Variants in RUNX1 observed in about 807,000 individuals in gnomAD.
RUNX1 encodes runt-related transcription factor 1.
A neutral mutation model predicts 42.8 loss-of-function variants in RUNX1; 19 were observed. The ratio of observed to expected loss-of-function variants is 0.44; its 90% CI spans 0.31 to 0.65. RUNX1 has a LOEUF of 0.65. RUNX1 is among the 30% of genes least tolerant of loss of function. The probability of loss-of-function intolerance (pLI) is 0.07; values close to 1 mark genes in which losing one functional copy is unlikely to be tolerated. For missense variants in RUNX1, 528 were observed against 672.0 expected (o/e 0.79, Z 2.37); for synonymous variants, 271 against 289.4 (o/e 0.94, Z 0.64).
At chr21:34,927,295 G>A (rs1308304019) in intron 2 of RUNX1, among the ~76,000 whole-genome samples, 1 of 152,220 alleles carries the variant, frequency 6.6e-6, no homozygotes, top group Non-Finnish European at 1.5e-5. Context: ...CACACTCCAC[G>A]TAACACAGAA....
At chr21:34,888,658 G>A in intron 3 of RUNX1, 1 of 1,049,276 alleles carries the variant, frequency 9.5e-7, no homozygotes. Context: ...CGGCCGCGGG[G>A]CGCCCGTCCC....
At chr21:34,948,132 C>T (rs1318988509) in intron 2 of RUNX1, among the ~76,000 whole-genome samples, 1 of 150,628 alleles carries the variant, frequency 6.6e-6, no homozygotes, top group Non-Finnish European at 1.5e-5. Context: ...AATGAAGGCT[C>T]ATATTTCAGC....
intron 7 of RUNX1, chr21:34,833,381 C>G (rs147810414): frequency 0.012 from 1,804 of 152,332 alleles, 16 homozygotes; most frequent in Middle Eastern, 0.041. Flanking sequence ...TGGGATTACA[C>G]GTGTGAGCCA....
Position 34,920,430 on chromosome 21 carries a change from A to G in RUNX1, c.59-27467T>C, listed in dbSNP as rs555363281. Among the ~76,000 whole-genome samples, 5 of 152,330 alleles carry G rather than the reference A, an allele frequency of 3.3e-5. No homozygotes were observed. In the East Asian group the frequency reaches 9.6e-4, roughly 29 times the overall value. On this transcript the variant is annotated intron_variant, in intron 2 of 8. Transcript: ENST00000675419. ...TACTGGGGGCAGCTTCCAACTGGAA[A>G]CACACCATGAAATTTACCAGTTTCA...
chr21:34,811,168 C>T (rs183709222), intron 7 of RUNX1, among the ~76,000 whole-genome samples: 21 of 152,302 alleles, frequency 1.4e-4, no homozygotes, highest in African/African-American at 2.6e-4. Context: ...GAATGGCAAC[C>T]GTTCTTTCTT....
chr21:34,798,147 C>T, intron 8 of RUNX1: 1 of 456,624 alleles, frequency 2.2e-6, no homozygotes, highest in Non-Finnish European at 4.4e-6. Flanking sequence ...CTCCACTGCC[C>T]CTGTGCCTGC....
At chr21:34,808,767 C>G (rs1237074002) in intron 7 of RUNX1, among the ~76,000 whole-genome samples, 1 of 152,168 alleles carries the variant, frequency 6.6e-6, no homozygotes, top group African/African-American at 2.4e-5. Flanking sequence ...CTACCCTCAG[C>G]CAGATGAGTC....
chr21:35,047,331 CTG>C (rs954588587), intron 2 of RUNX1, among the ~76,000 whole-genome samples: 37 of 152,162 alleles, frequency 2.4e-4, no homozygotes, highest in African/African-American at 5.8e-4. Context: ...GCCGGTGTCT[CTG>C]TGTTACCAAC....
chr21:34,930,270 G>GTATATATATATA (rs1555906427), intron 2 of RUNX1, among the ~76,000 whole-genome samples: 119 of 123,004 alleles, frequency 9.7e-4, no homozygotes, highest in East Asian at 4.3e-3. Flanking sequence ...GTGTGTGTAT[G>GTATATATATATA]TATATATATA....
chr21:34,800,902 T>C (rs1316060706), intron 7 of RUNX1, among the ~76,000 whole-genome samples: 2 of 152,154 alleles, frequency 1.3e-5, no homozygotes, highest in Non-Finnish European at 2.9e-5. Context: ...AAGGTCTTCA[T>C]TTTATTCCAA....
At chr21:35,046,320 C>T (rs1341753510) in intron 2 of RUNX1, among the ~76,000 whole-genome samples, 1 of 152,230 alleles carries the variant, frequency 6.6e-6, no homozygotes, top group East Asian at 1.9e-4. Flanking sequence ...CTCTCTTTCC[C>T]CCCAATTTCC....
intron 8 of RUNX1, among the ~76,000 whole-genome samples, chr21:34,796,505 T>A (rs1016085284): frequency 1.3e-5 from 2 of 152,144 alleles, no homozygotes; most frequent in Non-Finnish European, 2.9e-5. Flanking sequence ...GGAGTTGGGA[T>A]CCCCTGATAT....
At chr21:35,008,129 T>TC (rs147895295) in intron 2 of RUNX1, among the ~76,000 whole-genome samples, 29 of 152,296 alleles carry the variant, frequency 1.9e-4, no homozygotes, top group African/African-American at 6.5e-4. Context: ...TTTGGGGAGT[T>TC]CCATCTAACC....
intron 2 of RUNX1, among the ~76,000 whole-genome samples, chr21:35,021,222 C>T (rs892021277): frequency 5.3e-5 from 8 of 152,160 alleles, no homozygotes; most frequent in Non-Finnish European, 8.8e-5. Flanking sequence ...GTTTCCCATC[C>T]GCAAAATGGG....
chr21:35,044,215 A>G (rs1046158756), intron 2 of RUNX1, among the ~76,000 whole-genome samples: 3 of 152,142 alleles, frequency 2.0e-5, no homozygotes, highest in African/African-American at 7.2e-5. Context: ...AACTTTGCCC[A>G]GGCTGTACTC....
At chr21:34,816,125 T>C (rs777728050) in intron 7 of RUNX1, among the ~76,000 whole-genome samples, 2 of 151,998 alleles carry the variant, frequency 1.3e-5, no homozygotes, top group Non-Finnish European at 2.9e-5. Context: ...CAGCAGAGAG[T>C]TGGTGCTATG....
At chr21:34,820,954 C>CCCTGGG (rs2056899416) in intron 7 of RUNX1, among the ~76,000 whole-genome samples, 1 of 152,310 alleles carries the variant, frequency 6.6e-6, no homozygotes, top group African/African-American at 2.4e-5. Context: ...CACTGAAACT[C>CCCTGGG]CCTGGGCCTC....
At chr21:34,950,334 T>C (rs1325346452) in intron 2 of RUNX1, among the ~76,000 whole-genome samples, 2 of 152,180 alleles carry the variant, frequency 1.3e-5, no homozygotes, top group African/African-American at 2.4e-5. Context: ...AGAAACTGTA[T>C]TGAGGAAATA....
At chr21:34,979,076 G>A (rs1158826229) in intron 2 of RUNX1, among the ~76,000 whole-genome samples, 1 of 151,574 alleles carries the variant, frequency 6.6e-6, no homozygotes, top group Admixed American at 6.6e-5. Flanking sequence ...TTTCCATCTC[G>A]CCTGCAACTC....
Sources: gnomAD v4.1 joint callset for allele counts (sites outside exome capture counted in the v4.1 genomes callset) on GRCh38, gnomAD v4.1.1 for gene constraint, MANE v1.5 for transcripts, NCBI Gene and HGNC (gene_info 2026-07-23, HGNC 2026-07-21) for gene names.